TSPAN18: variants seen among roughly 807,000 people sequenced by gnomAD.
TSPAN18 encodes tetraspanin 18.
A neutral mutation model predicts 27.3 loss-of-function variants in TSPAN18; 14 were observed. The observed-to-expected ratio is 0.51, with a 90% CI of 0.34 to 0.80. TSPAN18 has a LOEUF of 0.80. Among genes scored for constraint, TSPAN18 ranks in the 30% least tolerant of loss-of-function variants. The pLI, the probability that TSPAN18 is intolerant of heterozygous loss-of-function variation, is 0.01. For missense variants in TSPAN18, 268 were observed against 323.9 expected (o/e 0.83, Z 1.32); for synonymous variants, 143 against 136.5 (o/e 1.05, Z -0.33).
chr11:44,835,407 C>CATAG (rs1197436280), intron 2 of TSPAN18, among the ~76,000 whole-genome samples: 5 of 152,188 alleles, frequency 3.3e-5, no homozygotes, highest in Admixed American at 6.5e-5. Flanking sequence ...TAATGTCATA[C>CATAG]ATAGTTCTTT....
chr11:44,927,433 C>T (rs959930846), intron 9 of TSPAN18, among the ~76,000 whole-genome samples: 1 of 152,168 alleles, frequency 6.6e-6, no homozygotes. Flanking sequence ...AGTCAGTCCT[C>T]GGCCTGCGGG....
At chr11:44,928,306 G>A (rs1008727227) in intron 9 of TSPAN18, among the ~76,000 whole-genome samples, 1 of 152,212 alleles carries the variant, frequency 6.6e-6, no homozygotes, top group Non-Finnish European at 1.5e-5. Flanking sequence ...CTAGATAAGA[G>A]GCACATTACA....
intron 2 of TSPAN18, among the ~76,000 whole-genome samples, chr11:44,768,438 A>G (rs1855617735): frequency 6.6e-6 from 1 of 152,168 alleles, no homozygotes. Context: ...TGACTTTTCT[A>G]TATTAACTTC....
At chr11:44,815,218 A>C (rs1856796851) in intron 2 of TSPAN18, among the ~76,000 whole-genome samples, 1 of 152,136 alleles carries the variant, frequency 6.6e-6, no homozygotes. Context: ...CCTGCCTTCT[A>C]CCTTGACATA....
intron 2 of TSPAN18, among the ~76,000 whole-genome samples, chr11:44,851,612 A>ACT (rs1554991743): frequency 9.0e-6 from 1 of 110,800 alleles, no homozygotes; most frequent in Non-Finnish European, 2.0e-5. Context: ...TACTCTTGTC[A>ACT]CCTCCCCCCC....
chr11:44,739,232 A>G (rs929137283), intron 1 of TSPAN18, among the ~76,000 whole-genome samples: 3 of 152,188 alleles, frequency 2.0e-5, no homozygotes, highest in Non-Finnish European at 2.9e-5. Context: ...AAGGTAGTCA[A>G]ACATCCCAGG....
At chr11:44,771,800 A>G (rs980164014) in intron 2 of TSPAN18, among the ~76,000 whole-genome samples, 17 of 152,242 alleles carry the variant, frequency 1.1e-4, no homozygotes, top group African/African-American at 4.1e-4. Flanking sequence ...AGCAAATACT[A>G]TTCCATTTTA....
intron 3 of TSPAN18, among the ~76,000 whole-genome samples, chr11:44,899,632 A>G (rs1859185605): frequency 6.6e-6 from 1 of 152,216 alleles, no homozygotes; most frequent in African/African-American, 2.4e-5. Context: ...CCATGTGTCA[A>G]GTGCTGTATG....
At chr11:44,772,734 C>T (rs570877935) in intron 2 of TSPAN18, among the ~76,000 whole-genome samples, 2 of 152,322 alleles carry the variant, frequency 1.3e-5, no homozygotes, top group Admixed American at 6.5e-5. Flanking sequence ...TCTCAGCTCA[C>T]TGCAACTTCC....
chr11:44,796,078 C>T (rs1856342955), intron 2 of TSPAN18, among the ~76,000 whole-genome samples: 1 of 152,142 alleles, frequency 6.6e-6, no homozygotes, highest in African/African-American at 2.4e-5. Context: ...GCATCTCACT[C>T]ATTTGCCCCA....
At chr11:44,829,108 A>G (rs1857103712) in intron 2 of TSPAN18, among the ~76,000 whole-genome samples, 1 of 152,222 alleles carries the variant, frequency 6.6e-6, no homozygotes, top group Non-Finnish European at 1.5e-5. Context: ...CCCCTTACCC[A>G]GGCACACACA....
At chr11:44,798,650 G>C (rs1239023328) in intron 2 of TSPAN18, among the ~76,000 whole-genome samples, 1 of 152,066 alleles carries the variant, frequency 6.6e-6, no homozygotes, top group African/African-American at 2.4e-5. Flanking sequence ...GGCCTTCCTG[G>C]AACTGATGCT....
chr11:44,925,025 C>G (rs962097432), intron 8 of TSPAN18, among the ~76,000 whole-genome samples: 9 of 152,220 alleles, frequency 5.9e-5, no homozygotes, highest in African/African-American at 2.2e-4. Flanking sequence ...ATGTCCTGGC[C>G]TGGCCTGGCC....
intron 3 of TSPAN18, among the ~76,000 whole-genome samples, chr11:44,888,945 G>A (rs1280254248): frequency 6.6e-6 from 1 of 152,156 alleles, no homozygotes; most frequent in South Asian, 2.1e-4. Context: ...AGCAGTTTCC[G>A]CCATGTTGTT....
intron 2 of TSPAN18, among the ~76,000 whole-genome samples, chr11:44,766,284 A>T (rs1855565579): frequency 6.6e-6 from 1 of 152,194 alleles, no homozygotes; most frequent in Admixed American, 6.5e-5. Context: ...ACAGTGTGGG[A>T]GGAGAAGTGA....
At chr11:44,833,142 C>T (rs569139369) in intron 2 of TSPAN18, among the ~76,000 whole-genome samples, 7 of 151,932 alleles carry the variant, frequency 4.6e-5, no homozygotes, top group Admixed American at 3.3e-4. Flanking sequence ...TCATTTATCT[C>T]GGTGCCTGGC....
At chr11:44,798,218 A>G (rs1386182207) in intron 2 of TSPAN18, among the ~76,000 whole-genome samples, 1 of 152,142 alleles carries the variant, frequency 6.6e-6, no homozygotes, top group Admixed American at 6.5e-5. Flanking sequence ...TGAAGATGGT[A>G]CCATCATTAG....
chr11:44,904,935 A>G (rs1358605570), intron 3 of TSPAN18, among the ~76,000 whole-genome samples: 1 of 152,166 alleles, frequency 6.6e-6, no homozygotes. Flanking sequence ...GGCTGATGGA[A>G]GGATGTGTGG....
chr11:44,791,414 C>T (rs534683779), intron 2 of TSPAN18, among the ~76,000 whole-genome samples: 1 of 152,316 alleles, frequency 6.6e-6, no homozygotes, highest in East Asian at 1.9e-4. Context: ...ATGGATACAC[C>T]AGGTCCCCTG....
Sources: gnomAD v4.1 joint callset for allele counts (sites outside exome capture counted in the v4.1 genomes callset) on GRCh38, gnomAD v4.1.1 for gene constraint, MANE v1.5 for transcripts, NCBI Gene and HGNC (gene_info 2026-07-23, HGNC 2026-07-21) for gene names.